The following SSBP2 variants were observed in gnomAD, a reference collection of about 807,000 sequenced individuals.
The protein encoded by SSBP2 is single stranded DNA binding protein 2.
In SSBP2, 17 loss-of-function variants were observed where a neutral mutation model predicts 61.8. The observed-to-expected ratio is 0.28, with a 90% CI of 0.19 to 0.41. The LOEUF (loss-of-function observed/expected upper bound fraction) is 0.41. Ranked by LOEUF, SSBP2 falls within the 10% of genes least tolerant of loss-of-function variation. The pLI, the probability that SSBP2 is intolerant of heterozygous loss-of-function variation, is 1.00. For missense variants in SSBP2, 310 were observed against 458.7 expected (o/e 0.68, Z 2.96); for synonymous variants, 139 against 141.3 (o/e 0.98, Z 0.12).
chr5:81,485,304 A>C (rs1419774528), intron 6 of SSBP2, among the ~76,000 whole-genome samples: 1 of 152,060 alleles, frequency 6.6e-6, no homozygotes, highest in Non-Finnish European at 1.5e-5. Flanking sequence ...TCCTTTCATC[A>C]TTTTAGACAT....
chr5:81,542,388 C>T (rs1022608648), intron 4 of SSBP2, among the ~76,000 whole-genome samples: 6 of 152,012 alleles, frequency 3.9e-5, no homozygotes, highest in African/African-American at 1.4e-4. Flanking sequence ...ATCATTCAAC[C>T]CAGCAATCCC....
intron 1 of SSBP2, among the ~76,000 whole-genome samples, chr5:81,717,974 G>A (rs1205329070): frequency 6.6e-6 from 1 of 152,102 alleles, no homozygotes; most frequent in Non-Finnish European, 1.5e-5. Context: ...GACGCATGCT[G>A]GTGCCTCTTC....
chr5:81,710,243 G>A (rs1214544160), intron 1 of SSBP2, among the ~76,000 whole-genome samples: 1 of 152,052 alleles, frequency 6.6e-6, no homozygotes, highest in Non-Finnish European at 1.5e-5. Context: ...GTAGACAGAC[G>A]AGGATTGTCT....
intron 14 of SSBP2, among the ~76,000 whole-genome samples, chr5:81,438,071 C>T (rs112914466): frequency 0.04 from 6,127 of 151,846 alleles, 218 homozygotes; most frequent in African/African-American, 0.094. Flanking sequence ...AAATAGAGAC[C>T]GGGTGCAGTG....
chr5:81,546,943 A>C (rs112540721), intron 4 of SSBP2, among the ~76,000 whole-genome samples: 2 of 52,260 alleles, frequency 3.8e-5, no homozygotes, highest in Admixed American at 3.5e-4. Flanking sequence ...GAATTCTCTT[A>C]AGAATACACG....
chr5:81,488,031 A>ACAT (rs1766528885), intron 6 of SSBP2, among the ~76,000 whole-genome samples: 1 of 15,692 alleles, frequency 6.4e-5, no homozygotes, highest in Admixed American at 5.5e-4. Flanking sequence ...ATATATATAT[A>ACAT]TATATATATA....
At chr5:81,707,274 G>T (rs1272266457) in intron 1 of SSBP2, among the ~76,000 whole-genome samples, 1 of 151,962 alleles carries the variant, frequency 6.6e-6, no homozygotes, top group Non-Finnish European at 1.5e-5. Flanking sequence ...AGATATGTTA[G>T]AGTCCTAGCC....
intron 1 of SSBP2, among the ~76,000 whole-genome samples, chr5:81,747,353 C>A (rs1757422507): frequency 6.6e-6 from 1 of 151,920 alleles, no homozygotes; most frequent in Non-Finnish European, 1.5e-5. Flanking sequence ...TTGTATCCCT[C>A]GGTGAGTTCT....
chr5:81,521,744 TTTC>T (rs1182400249), intron 4 of SSBP2, among the ~76,000 whole-genome samples: 1 of 152,020 alleles, frequency 6.6e-6, no homozygotes, highest in African/African-American at 2.4e-5. Context: ...TCGTACTTAG[TTTC>T]TTTTTTGTTG....
rs1409046132 is a variant in SSBP2 at position 81,676,494 on chromosome 5, G to GT, written c.63-26156dup. ...AATCTCATTCCGTATCTCAACCCAC[G>GT]TAACACATTCATGTTGAAACCACAC... is the stretch of plus-strand genomic sequence containing the variant. On this transcript the variant is annotated intron_variant, in intron 1 of 16. Transcript: ENST00000320672. Among the ~76,000 whole-genome samples the GT allele has an allele frequency of 2.6e-5, 4 of 152,044 alleles. No individual in the cohort carries two copies. In the East Asian group the frequency reaches 7.7e-4, roughly 29 times the overall value.
chr5:81,442,484 G>A (rs1278312146), intron 13 of SSBP2, among the ~76,000 whole-genome samples, 169 bp downstream of exon 13: 1 of 151,760 alleles, frequency 6.6e-6, no homozygotes, highest in Non-Finnish European at 1.5e-5. Context: ...TGTTATATAT[G>A]TTTACTGTTT....
At chr5:81,749,286 C>CA (rs900253908) in intron 1 of SSBP2, among the ~76,000 whole-genome samples, 2 of 151,708 alleles carry the variant, frequency 1.3e-5, no homozygotes, top group African/African-American at 4.8e-5. Flanking sequence ...TGCAAAAAAA[C>CA]AAAAAAGCCT....
chr5:81,477,385 A>G (rs1282493089), intron 6 of SSBP2, among the ~76,000 whole-genome samples: 2 of 152,170 alleles, frequency 1.3e-5, no homozygotes, highest in African/African-American at 2.4e-5. Flanking sequence ...CATCAATTCA[A>G]CAACTCCAAT....
intron 4 of SSBP2, among the ~76,000 whole-genome samples, chr5:81,578,889 T>C (rs1774435221): frequency 6.6e-6 from 1 of 152,024 alleles, no homozygotes; most frequent in Non-Finnish European, 1.5e-5. Flanking sequence ...TAAGTAACAA[T>C]CTATCCTTCT....
At chr5:81,718,540 C>T (rs1364960572) in intron 1 of SSBP2, among the ~76,000 whole-genome samples, 1 of 152,104 alleles carries the variant, frequency 6.6e-6, no homozygotes. Context: ...AAAAACATCC[C>T]TACATTCAAA....
At chr5:81,592,625 T>C (rs188904990) in intron 4 of SSBP2, among the ~76,000 whole-genome samples, 10 of 152,320 alleles carry the variant, frequency 6.6e-5, no homozygotes, top group Middle Eastern at 3.4e-3. Flanking sequence ...CACAGCCGGA[T>C]ACTCCTCTGA....
At chr5:81,530,942 C>G (rs79655565) in intron 4 of SSBP2, among the ~76,000 whole-genome samples, 2 of 151,996 alleles carry the variant, frequency 1.3e-5, no homozygotes, top group Non-Finnish European at 2.9e-5. Flanking sequence ...TTTCAGACTG[C>G]GCATGGTGGC....
At chr5:81,510,800 C>T (rs936257846) in intron 5 of SSBP2, among the ~76,000 whole-genome samples, 4 of 152,066 alleles carry the variant, frequency 2.6e-5, no homozygotes, top group African/African-American at 9.7e-5. Flanking sequence ...GTAAAAGACT[C>T]CTAAATTCTC....
chr5:81,527,217 T>A (rs988641558), intron 4 of SSBP2, among the ~76,000 whole-genome samples: 1 of 152,036 alleles, frequency 6.6e-6, no homozygotes, highest in African/African-American at 2.4e-5. Flanking sequence ...GTAATATTTT[T>A]AAATAGATAA....
Sources: gnomAD v4.1 joint callset for allele counts (sites outside exome capture counted in the v4.1 genomes callset) on GRCh38, gnomAD v4.1.1 for gene constraint, MANE v1.5 for transcripts, NCBI Gene and HGNC (gene_info 2026-07-23, HGNC 2026-07-21) for gene names.